The following ESR1 variants were observed in gnomAD, a reference collection of about 807,000 sequenced individuals.
ESR1 encodes the protein estrogen receptor 1, also known as estrogen receptor.
A neutral mutation model predicts 52.7 loss-of-function variants in ESR1; 12 were observed. The ratio of observed to expected loss-of-function variants is 0.23; its 90% confidence interval spans 0.15 to 0.37. The LOEUF is 0.37. Among genes scored for constraint, ESR1 ranks in the 10% least tolerant of loss-of-function variants. ESR1 has a pLI of 1.00. For synonymous variants in ESR1, 305 were observed against 316.8 expected (o/e 0.96, Z 0.39); for missense variants, 584 against 779.7 (o/e 0.75, Z 2.99).
At position 152,079,450 on chromosome 6, in the gene ESR1, C is replaced by CA. The variant is rs1460232292; in HGVS notation, c.1370-14930dup. On this transcript the variant is annotated intron_variant, in intron 6 of 7. Coordinates refer to ENST00000206249, the MANE Select transcript of ESR1 (RefSeq NM_000125.4). ...CAGAAAGGAATAGCATCAACATCAA[C>CA]AAAAAGGACATCCACACCAAAACCC... is the stretch of plus-strand genomic sequence containing the variant. Among the ~76,000 whole-genome samples the CA allele has an allele frequency of 3.3e-5, 5 of 152,148 alleles. No individual in the cohort carries two copies. The East Asian group carries it at 9.6e-4, about 29-fold the overall frequency.
intron 3 of ESR1, among the ~76,000 whole-genome samples, chr6:151,926,884 T>C (rs2032837727): frequency 6.6e-6 from 1 of 152,182 alleles, no homozygotes; most frequent in African/African-American, 2.4e-5. Flanking sequence ...TCTAGCATAA[T>C]GTATAATAGG....
At chr6:151,735,816 G>A (rs1444079589) in intron 2 of ESR1, among the ~76,000 whole-genome samples, 4 of 152,228 alleles carry the variant, frequency 2.6e-5, no homozygotes, top group Admixed American at 6.5e-5. Context: ...ATCTCCACAC[G>A]TCAAGGGAGG....
chr6:151,916,402 A>G (rs1220932320), intron 3 of ESR1, among the ~76,000 whole-genome samples: 4 of 152,250 alleles, frequency 2.6e-5, no homozygotes, highest in Admixed American at 1.3e-4. Flanking sequence ...GACAAGACAC[A>G]GAGTTAAGTA....
At chr6:151,840,488 C>T (rs543713939) in intron 1 of ESR1, among the ~76,000 whole-genome samples, 4 of 152,274 alleles carry the variant, frequency 2.6e-5, no homozygotes, top group South Asian at 4.1e-4. Flanking sequence ...CAAAGTCAGA[C>T]GTACTCAACC....
chr6:151,857,073 T>C (rs1045237036), intron 2 of ESR1, among the ~76,000 whole-genome samples: 4 of 152,226 alleles, frequency 2.6e-5, no homozygotes, highest in African/African-American at 9.6e-5. Flanking sequence ...TATTCATATA[T>C]GGCTGCACAC....
chr6:151,990,166 G>T (rs1210626622), intron 4 of ESR1, among the ~76,000 whole-genome samples: 1 of 151,942 alleles, frequency 6.6e-6, no homozygotes, highest in Non-Finnish European at 1.5e-5. Context: ...AAATGTAGTA[G>T]AAATTATGAT....
intron 6 of ESR1, chr6:152,122,055 A>G (rs1222552896): frequency 2.0e-5 from 6 of 303,848 alleles, no homozygotes; most frequent in Non-Finnish European, 2.5e-5. Context: ...AGGGTCATTT[A>G]TCTGATGGTT....
chr6:151,969,857 G>A (rs976379264), intron 4 of ESR1, among the ~76,000 whole-genome samples: 1 of 152,020 alleles, frequency 6.6e-6, no homozygotes, highest in African/African-American at 2.4e-5. Flanking sequence ...TGTTGTTGTT[G>A]TTGTTGTTAG....
intron 3 of ESR1, among the ~76,000 whole-genome samples, chr6:151,925,819 T>C (rs1430169951): frequency 1.3e-5 from 2 of 152,090 alleles, no homozygotes; most frequent in African/African-American, 4.8e-5. Context: ...AAGCCCAATT[T>C]ATTAATTTTT....
chr6:151,793,756 G>T (rs1031706458), intron 2 of ESR1, among the ~76,000 whole-genome samples: 1 of 152,118 alleles, frequency 6.6e-6, no homozygotes, highest in Non-Finnish European at 1.5e-5. Context: ...CCAAATATGT[G>T]CCCAGGCAGT....
intron 2 of ESR1, among the ~76,000 whole-genome samples, chr6:151,773,997 C>A (rs1032638800): frequency 7.1e-6 from 1 of 140,744 alleles, no homozygotes; most frequent in African/African-American, 2.9e-5. Flanking sequence ...GAGGGACAGA[C>A]TGGGACATGA....
rs1792478402 is a variant in ESR1 at position 151,879,750 on chromosome 6, A to G, written c.644-905A>G. Reference sequence around the variant, plus strand: ...CATGATTTCCTCTAGATTAGCGAGGAGGAAAGAGAGATCTAGAAATGTCAG... The same window carrying G: ...CATGATTTCCTCTAGATTAGCGAGGGGGAAAGAGAGATCTAGAAATGTCAG... On this transcript the variant is annotated intron_variant, in intron 2 of 7. Transcript: ENST00000206249. Among the ~76,000 whole-genome samples, 3 of 152,226 alleles carry G rather than the reference A, an allele frequency of 2.0e-5. 1 individual carries two copies. In the South Asian group the frequency reaches 6.2e-4, roughly 32 times the overall value.
chr6:152,113,361 G>A (rs1284258382), intron 6 of ESR1, among the ~76,000 whole-genome samples: 1 of 152,180 alleles, frequency 6.6e-6, no homozygotes, highest in Non-Finnish European at 1.5e-5. Context: ...TCCCTGACAG[G>A]TGGTCCTCTG....
intron 5 of ESR1, among the ~76,000 whole-genome samples, chr6:152,043,312 A>G (rs2045957868): frequency 6.6e-6 from 1 of 152,210 alleles, no homozygotes; most frequent in African/African-American, 2.4e-5. Context: ...ATTCCTGCTT[A>G]GTGGGCCCAA....
intron 5 of ESR1, among the ~76,000 whole-genome samples, chr6:152,060,303 A>G (rs2047445287): frequency 6.6e-6 from 1 of 152,168 alleles, no homozygotes; most frequent in Non-Finnish European, 1.5e-5. Flanking sequence ...TTAATCTGCC[A>G]TCTCCTGACC....
intron 1 of ESR1, among the ~76,000 whole-genome samples, chr6:151,828,716 C>T (rs1348425378): frequency 6.6e-6 from 1 of 152,150 alleles, no homozygotes; most frequent in African/African-American, 2.4e-5. Context: ...GAATTGCTGC[C>T]TTGGTAGGGC....
intron 1 of ESR1, among the ~76,000 whole-genome samples, chr6:151,677,871 G>A (rs1338590195): frequency 6.6e-6 from 1 of 152,184 alleles, no homozygotes; most frequent in African/African-American, 2.4e-5. Context: ...TTTCTCAAAT[G>A]CTGAAACTGC....
chr6:152,109,280 G>A lies in ESR1; in HGVS notation c.851-15986G>A, dbSNP rs1037556856. Among the ~76,000 whole-genome samples, 7 of 152,194 alleles carry A rather than the reference G, an allele frequency of 4.6e-5. No individual in the cohort carries two copies. In the East Asian group the frequency reaches 5.8e-4, roughly 13 times the overall value. On this transcript the variant is annotated intron_variant, in intron 6 of 6. Coordinates refer to the ESR1 transcript ENST00000427531. ...GACACAGATCCAAACTACATCATAC[G>A]CCTTAAATAAGTAAATTTTCATAGT...
intron 4 of ESR1, among the ~76,000 whole-genome samples, chr6:151,999,249 C>A (rs139723287): frequency 6.6e-6 from 1 of 152,180 alleles, no homozygotes; most frequent in East Asian, 1.9e-4. Context: ...TTCTCAAAAT[C>A]ATCTTATAAT....
Sources: gnomAD v4.1 joint callset for allele counts (sites outside exome capture counted in the v4.1 genomes callset) on GRCh38, gnomAD v4.1.1 for gene constraint, MANE v1.5 for transcripts, NCBI Gene and HGNC (gene_info 2026-07-23, HGNC 2026-07-21) for gene names.